Variants in LMO4 observed in about 807,000 individuals in gnomAD.
LMO4 encodes the protein LIM domain only 4.
Under a neutral mutation model 18.5 loss-of-function variants are expected in LMO4, and 3 were observed. The observed-to-expected ratio is 0.16, with a 90% CI of 0.07 to 0.42. The LOEUF (loss-of-function observed/expected upper bound fraction) is 0.42. LMO4 is among the 10% of genes least tolerant of loss of function. The pLI is 0.99. For missense variants in LMO4, 121 were observed against 219.9 expected (o/e 0.55, Z 2.84); for synonymous variants, 100 against 88.1 (o/e 1.14, Z -0.76).
At chr1:87,339,883 T>C (rs1030454062) in intron 3 of LMO4, among the ~76,000 whole-genome samples, 164 bp from the exon 4 acceptor site, 1 of 152,192 alleles carries the variant, frequency 6.6e-6, no homozygotes, top group Non-Finnish European at 1.5e-5. Context: ...TTGATAGCAA[T>C]TTGGCTTACT....
chr1:87,338,741 C>G (rs772693158), intron 2 of LMO4, among the ~76,000 whole-genome samples: 2 of 152,130 alleles, frequency 1.3e-5, no homozygotes, highest in Non-Finnish European at 2.9e-5. Flanking sequence ...CATAGGAAAA[C>G]TGCAGTGATA....
Position 87,346,715 on chromosome 1 carries a change from T to C in LMO4, c.*1919T>C, listed in dbSNP as rs1291545917. The C allele has an allele frequency of 6.6e-6, 1 of 152,008 alleles. No individual in the cohort carries two copies. The highest frequency in any genetic ancestry group is 1.9e-4 in the East Asian group (1 of 5,190). 9.4% of individuals were successfully genotyped at this position (152,008 alleles called of 1,614,324 possible). A position where few individuals can be genotyped will look rare whatever the true frequency, so the allele number is the denominator to read the frequency against. On this transcript the variant is annotated 3_prime_UTR_variant, in exon 5 of 5. Transcript: ENST00000370544. ...TAGAGGAGATTGTAAAGGCATAGAG[T>C]TGAGGTGAATAGTTTTGTTAGAACC...
Position 87,332,152 on chromosome 1 carries a change from G to A in LMO4, c.137G>A (p.Arg46Gln). The change falls in exon 2 of 5, where the codon CGG becomes CAG. Residue 46 changes from arginine to glutamine, a missense_variant. By Grantham distance (43) the Arg-to-Gln change is conservative (BLOSUM62 1). This residue lies in a region of LMO4 where 8 missense variants were observed against 18.1 expected (regional missense o/e 0.44). Coordinates refer to ENST00000370544, the MANE Select transcript of LMO4 (RefSeq NM_006769.4). Reference sequence around the variant, plus strand: ...GCCATGGACAGCTATTGGCACAGCCGGTGCCTCAAGTGCTCCTGCTGCCAG... The same window carrying A: ...GCCATGGACAGCTATTGGCACAGCCAGTGCCTCAAGTGCTCCTGCTGCCAG... Reference protein sequence around the residue: ...LYAMDSYWHSRCLKCSCCQAQ... With the variant: ...LYAMDSYWHSQCLKCSCCQAQ... 6.2e-7 allele frequency: 1 copy of A among 1,614,158 alleles called. No homozygotes were observed. Among genetic ancestry groups the A allele is most frequent in the Non-Finnish European group, 8.5e-7 (1 of 1,180,026 alleles).
rs753843726 is a variant in LMO4 at position 87,348,707 on chromosome 1, C to T, written c.*3911C>T. ...ACTTGCAACTTACCTCAAGTGAATA[C>T]TGTTTTCAGTTGTGCAAGAAGTGCT... On this transcript the variant is annotated 3_prime_UTR_variant, in exon 5 of 5. Transcript: ENST00000370544. 7.8e-6 allele frequency: 4 copies of T among 512,698 alleles called. No homozygotes were observed. The highest frequency in any genetic ancestry group is 5.7e-5 in the South Asian group (4 of 70,360). The allele number at this position is 512,698 out of a possible 1,614,324, so 31.8% of individuals were successfully genotyped here.
At position 87,348,651 on chromosome 1, in the gene LMO4, T is replaced by C. The variant is rs988680923; in HGVS notation, c.*3855T>C. On this transcript the variant is annotated 3_prime_UTR_variant, in exon 5 of 5. Coordinates refer to ENST00000370544, the MANE Select transcript of LMO4 (RefSeq NM_006769.4). Reference sequence around the variant, plus strand: ...CCCATCGTGAACATGCTGAGAGCAATGACAAGTCAGGGCTGATTTTTGGAA... The same window carrying C: ...CCCATCGTGAACATGCTGAGAGCAACGACAAGTCAGGGCTGATTTTTGGAA... 9 of 472,446 alleles carry C rather than the reference T, an allele frequency of 1.9e-5. No individual in the cohort carries two copies. The highest frequency in any genetic ancestry group is 1.4e-4 in the South Asian group (9 of 65,918). 29.3% of individuals were successfully genotyped at this position (472,446 alleles called of 1,614,324 possible). A position where few individuals can be genotyped will look rare whatever the true frequency, so the allele number is the denominator to read the frequency against.
At chr1:87,338,928 A>G (rs150290866) in intron 2 of LMO4, among the ~76,000 whole-genome samples, 48 of 152,296 alleles carry the variant, frequency 3.2e-4, no homozygotes, top group Middle Eastern at 3.4e-3. Flanking sequence ...AGAGAGAGAG[A>G]AGGTTAGGAT....
intron 1 of LMO4, among the ~76,000 whole-genome samples, 185 bp downstream of exon 1, chr1:87,329,429 A>T (rs949556678): frequency 1.3e-5 from 2 of 152,004 alleles, no homozygotes; most frequent in Admixed American, 1.3e-4. Context: ...GCTAGCGCGG[A>T]GGGCAGCCCC....
intron 2 of LMO4, among the ~76,000 whole-genome samples, chr1:87,336,210 G>A (rs1650308294): frequency 6.6e-6 from 1 of 152,136 alleles, no homozygotes; most frequent in African/African-American, 2.4e-5. Flanking sequence ...TTAAATATAG[G>A]AACCTGCTGG....
intron 4 of LMO4, among the ~76,000 whole-genome samples, chr1:87,343,290 A>G (rs368696174): frequency 6.6e-5 from 10 of 152,344 alleles, no homozygotes; most frequent in Middle Eastern, 3.4e-3. Context: ...TTTAAATCAT[A>G]CAGTGATTGA....
intron 2 of LMO4, among the ~76,000 whole-genome samples, chr1:87,333,374 A>G (rs1313276420): frequency 6.6e-6 from 1 of 151,794 alleles, no homozygotes; most frequent in Non-Finnish European, 1.5e-5. Flanking sequence ...CATCCTATGT[A>G]AATTTGTCCT....
chr1:87,334,533 G>A (rs1381070924), intron 2 of LMO4, among the ~76,000 whole-genome samples: 3 of 152,224 alleles, frequency 2.0e-5, no homozygotes, highest in Non-Finnish European at 4.4e-5. Flanking sequence ...CTGCAGAAGA[G>A]TGGAGTAATC....
At chr1:87,334,345 G>A (rs2100776073) in intron 2 of LMO4, among the ~76,000 whole-genome samples, 1 of 152,248 alleles carries the variant, frequency 6.6e-6, no homozygotes, top group South Asian at 2.1e-4. Context: ...CAGCAGCTGA[G>A]CGCCCCTTCC....
At chr1:87,329,480 T>A (rs1390970096) in intron 1 of LMO4, among the ~76,000 whole-genome samples, 2 of 151,966 alleles carry the variant, frequency 1.3e-5, no homozygotes, top group Non-Finnish European at 2.9e-5. Flanking sequence ...ACAAAAGGGC[T>A]CTTCTTGGAA....
intron 2 of LMO4, 27 bp from the exon 3 acceptor site, chr1:87,339,509 G>C (rs943417840): frequency 6.6e-7 from 1 of 1,526,698 alleles, no homozygotes; most frequent in South Asian, 1.1e-5. Flanking sequence ...ATTATTCACT[G>C]GTGTCAACCG....
chr1:87,335,443 C>A (rs1012783929), intron 2 of LMO4, among the ~76,000 whole-genome samples: 47 of 151,888 alleles, frequency 3.1e-4, no homozygotes, highest in African/African-American at 1.1e-3. Flanking sequence ...AGCCGGCGGG[C>A]GGTCTCGGGC....
chr1:87,333,273 TAGG>T (rs1013381371), intron 2 of LMO4, among the ~76,000 whole-genome samples: 6 of 152,116 alleles, frequency 3.9e-5, no homozygotes, highest in South Asian at 2.1e-4. Flanking sequence ...TGAATGCTTC[TAGG>T]AGGTGTTCTG....
chr1:87,334,715 A>AG (rs1365895665), intron 2 of LMO4, among the ~76,000 whole-genome samples: 1 of 151,320 alleles, frequency 6.6e-6, no homozygotes, highest in Non-Finnish European at 1.5e-5. Flanking sequence ...AGCGCGGGGG[A>AG]GGGGGCTGCA....
Position 87,344,893 on chromosome 1 carries a change from A to G in LMO4, c.*97A>G, listed in dbSNP as rs1389548967. On this transcript the variant is annotated 3_prime_UTR_variant, in exon 5 of 5. Coordinates refer to ENST00000370544, the MANE Select transcript of LMO4 (RefSeq NM_006769.4). ...CAGTAGACAAGTCACCTTTGTAGCTAGCACCAGTGCCAGCTCCATGCCATT... is the reference window on the plus strand; with the variant it reads ...CAGTAGACAAGTCACCTTTGTAGCTGGCACCAGTGCCAGCTCCATGCCATT... 10 of 1,177,912 alleles carry G rather than the reference A, an allele frequency of 8.5e-6. No homozygotes were observed. The highest frequency in any genetic ancestry group is 1.1e-5 in the Non-Finnish European group (9 of 786,024). 73.0% of individuals were successfully genotyped at this position (1,177,912 alleles called of 1,614,324 possible). A position where few individuals can be genotyped will look rare whatever the true frequency, so the allele number is the denominator to read the frequency against.
intron 2 of LMO4, among the ~76,000 whole-genome samples, chr1:87,337,076 C>T (rs1000525030): frequency 6.6e-6 from 1 of 152,288 alleles, no homozygotes; most frequent in East Asian, 1.9e-4. Context: ...TGTATAGACA[C>T]GTAAGTTATT....
Sources: allele counts gnomAD v4.1 joint callset (sites outside exome capture counted in the v4.1 genomes callset), GRCh38; gene constraint gnomAD v4.1.1; regional missense constraint gnomAD v4.1.1; transcripts MANE v1.5; gene names NCBI Gene and HGNC (gene_info 2026-07-23, HGNC 2026-07-21).